Variants in ABR observed in about 807,000 individuals in gnomAD.
The protein encoded by ABR is active breakpoint cluster region-related protein.
ABR carries 35 observed loss-of-function variants against 107.2 expected under a neutral mutation model. The observed-to-expected ratio is 0.33, with a 90% CI of 0.25 to 0.43. The LOEUF is 0.43. Among genes scored for constraint, ABR ranks in the 20% least tolerant of loss-of-function variants. The probability of loss-of-function intolerance (pLI) is 1.00; values close to 1 mark genes in which losing one functional copy is unlikely to be tolerated. For synonymous variants in ABR, 498 were observed against 462.0 expected, an observed-to-expected ratio of 1.08 and a Z score of -1.00; for missense variants, 815 against 1,115.2, an observed-to-expected ratio of 0.73 and a Z score of 3.83.
chr17:1,095,543 C>T (rs1300928375), intron 3 of ABR, among the ~76,000 whole-genome samples: 1 of 152,146 alleles, frequency 6.6e-6, no homozygotes, highest in Admixed American at 6.5e-5. Context: ...ACGGCACAGC[C>T]ATTCTGCCAA....
intron 1 of ABR, among the ~76,000 whole-genome samples, chr17:1,175,632 G>A (rs1039891743): frequency 6.6e-6 from 1 of 152,158 alleles, no homozygotes; most frequent in African/African-American, 2.4e-5. Context: ...TCTTCTCCTT[G>A]AGGCAGACAA....
Position 1,058,853 on chromosome 17 carries a change from G to A in ABR, c.1197C>T (p.Gly399=). ...TCAGGCGCTCGATGGCCCGGCTCTG[G>A]CCTTTGTTGGCTTTCTGCAGGAGAT... ...SEIQKEKANK[G]QSRAIERLKK... is the part of the protein sequence containing the mutation. Residue 399 remains glycine, a synonymous_variant, in exon 11 of 23, where the codon GGC becomes GGT. Transcript: ENST00000302538. 6.2e-7 allele frequency: 1 copy of A among 1,614,116 alleles called. No homozygotes were observed. The highest frequency in any genetic ancestry group is 8.5e-7 in the Non-Finnish European group (1 of 1,180,020).
At chr17:1,113,278 ATTTTTTT>A (rs33922708) in intron 2 of ABR, among the ~76,000 whole-genome samples, 4 of 104,118 alleles carry the variant, frequency 3.8e-5, no homozygotes, top group Admixed American at 2.3e-4. Flanking sequence ...ACCTATTGCG[ATTTTTTT>A]TTTTTTTTTT....
upstream of ABR, among the ~76,000 whole-genome samples, chr17:1,180,145 G>C (rs998429586): frequency 3.9e-3 from 594 of 151,900 alleles, 2 homozygotes; most frequent in Non-Finnish European, 7.1e-3. Flanking sequence ...GCGGGGCTCC[G>C]GCGCTGGGCG....
upstream of ABR, among the ~76,000 whole-genome samples, chr17:1,181,230 G>T (rs3813442): frequency 6.6e-6 from 1 of 152,168 alleles, no homozygotes; most frequent in African/African-American, 2.4e-5. Context: ...AGTTCTTAAG[G>T]GGAGAAGCAG....
chr17:1,126,653 G>A (rs28559840), intron 1 of ABR: 18,930 of 152,404 alleles, frequency 0.12, 1,678 homozygotes, highest in African/African-American at 0.24. Context: ...TTCGGATCTC[G>A]CACAGTGTGA....
chr17:1,180,036 T>G (rs1204070528), upstream of ABR, among the ~76,000 whole-genome samples: 1 of 14,518 alleles, frequency 6.9e-5, no homozygotes, highest in Admixed American at 8.4e-4. Context: ...GGGGCTTTGG[T>G]GCGGGGGCGG....
At position 1,162,900 on chromosome 17, in the gene ABR, C is replaced by T. The variant is rs1209068888; in HGVS notation, c.61+16767G>A. On this transcript the variant is annotated intron_variant, in intron 1 of 22. Transcript: ENST00000302538. ...CAGCCTGGCCAACATGGTGAAACCC[C>T]GTCTCTAATAAAAATACAAAAATTA... 8.5e-5 allele frequency among the ~76,000 whole-genome samples: 13 copies of T among 152,162 alleles called. No individual in the cohort carries two copies. In the East Asian group the frequency reaches 1.2e-3, roughly 14 times the overall value.
At chr17:1,140,547 C>T (rs955421466) in intron 1 of ABR, among the ~76,000 whole-genome samples, 1 of 152,210 alleles carries the variant, frequency 6.6e-6, no homozygotes, top group East Asian at 1.9e-4. Context: ...TCACCTACAA[C>T]AATAAGGACA....
upstream of ABR, among the ~76,000 whole-genome samples, chr17:1,189,445 T>A (rs1381667474): frequency 6.6e-6 from 1 of 150,986 alleles, no homozygotes; most frequent in Non-Finnish European, 1.5e-5. Flanking sequence ...CGCCTCCGAG[T>A]TCAAGTGATT....
In ABR at chr17:1,011,644, G is replaced by A. The variant is rs145307902; in HGVS notation, c.2101+202C>T. The A allele has an allele frequency of 5.6e-3, 3,006 of 533,182 alleles. 29 individuals are homozygous for A. Among genetic ancestry groups the A allele is most frequent in the African/African-American group, 0.027 (1,393 of 52,034 alleles). 33.0% of individuals were successfully genotyped at this position (533,182 alleles called of 1,614,324 possible). ...TGGGCAAGTGAGTCGGCCCTTGTGA[G>A]TTTCTGCAGTTGCTTACCTGCAGCA... On this transcript the variant is annotated intron_variant, in intron 19 of 22. Coordinates refer to ENST00000302538, the MANE Select transcript of ABR (RefSeq NM_021962.5). This position sits in a 1 kb window ranked among gnomAD's most constrained non-coding sequence, Gnocchi z 4.8.
chr17:1,222,874 A>G (rs964734451), intron 1 of ABR, among the ~76,000 whole-genome samples: 1 of 152,104 alleles, frequency 6.6e-6, no homozygotes, highest in African/African-American at 2.4e-5. Context: ...ATGCCACTGC[A>G]CTCCAGCTTG....
Position 1,011,737 on chromosome 17 carries a change from G to A in ABR, c.2101+109C>T. 6 of 1,380,214 alleles carry A rather than the reference G, an allele frequency of 4.3e-6. No individual in the cohort carries two copies. The highest frequency in any genetic ancestry group is 5.8e-6 in the Non-Finnish European group (6 of 1,036,068). The allele number at this position is 1,380,214 out of a possible 1,614,324, so 85.5% of individuals were successfully genotyped here. A position where few individuals can be genotyped will look rare whatever the true frequency, so the allele number is the denominator to read the frequency against. On this transcript the variant is annotated intron_variant, in intron 19 of 22. Coordinates refer to ENST00000302538, the MANE Select transcript of ABR (RefSeq NM_021962.5). This position sits in a 1 kb window ranked among gnomAD's most constrained non-coding sequence, Gnocchi z 4.8. ...CTTGCCACGGGGACTCTGAAGCAGA[G>A]CAAGCCTCCTCTCCAGGGAGGCTCC...
Position 1,040,742 on chromosome 17 carries a change from A to G in ABR, c.1791+9308T>C, listed in dbSNP as rs575045694. ...TGCCAGGCCCCGGGTCCAGGGTTTC[A>G]TGGACCCTCACATTCAGTCCTCTTA... On this transcript the variant is annotated intron_variant, in intron 16 of 22. Transcript: ENST00000302538. Among the ~76,000 whole-genome samples the G allele has an allele frequency of 3.3e-5, 5 of 152,294 alleles. 1 individual carries two copies. The South Asian group carries it at 1.0e-3, about 32-fold the overall frequency.
intron 1 of ABR, among the ~76,000 whole-genome samples, chr17:1,165,360 G>A (rs2041464209): frequency 6.6e-6 from 1 of 152,228 alleles, no homozygotes; most frequent in East Asian, 1.9e-4. Flanking sequence ...GCCGGGAGGA[G>A]GTGCAAGAGA....
chr17:1,203,888 A>G (rs1302399745), intron 1 of ABR, among the ~76,000 whole-genome samples: 1 of 152,124 alleles, frequency 6.6e-6, no homozygotes. Context: ...ACGCGGGAGG[A>G]GAAACCAGCT....
rs530475213 is a variant in ABR, at chr17:1,214,922, A to C, written c.838+13871T>G. On this transcript the variant is annotated intron_variant, in intron 1 of 22. Coordinates refer to the ABR transcript ENST00000574139. Reference sequence around the variant, plus strand: ...CTCTCCAAATAAAATACTCAGACCAAAAAAGTATTGCTCTTGACCAGGTGG... The same window carrying C: ...CTCTCCAAATAAAATACTCAGACCACAAAAGTATTGCTCTTGACCAGGTGG... 2.0e-5 allele frequency among the ~76,000 whole-genome samples: 3 copies of C among 152,078 alleles called. No individual in the cohort carries two copies. In the South Asian group the frequency reaches 6.2e-4, roughly 32 times the overall value.
chr17:1,070,566 A>ACAGAGAC lies in ABR; in HGVS notation c.895-477_895-476insGTCTCTG, dbSNP rs1555561139. ...GCGAACTTCATCTAGCCCCGGCTCA[A>ACAGAGAC]CCGAGACCCGAGACCCGAGACCCAC... On this transcript the variant is annotated intron_variant, in intron 8 of 22. Transcript: ENST00000302538. The surrounding 1 kb of genome is among the most constrained non-coding windows in gnomAD (Gnocchi z 4.2). 6.6e-5 allele frequency among the ~76,000 whole-genome samples: 10 copies of ACAGAGAC among 152,034 alleles called. No individual in the cohort carries two copies. Among genetic ancestry groups the ACAGAGAC allele is most frequent in the Non-Finnish European group, 1.2e-4 (8 of 67,976 alleles).
intron 1 of ABR, among the ~76,000 whole-genome samples, chr17:1,138,096 G>T (rs1249714598): frequency 6.6e-6 from 1 of 150,914 alleles, no homozygotes; most frequent in Admixed American, 6.6e-5. Context: ...TAGAGATGGG[G>T]TTTCAGCATG....
Sources: gnomAD v4.1 joint callset for allele counts (sites outside exome capture counted in the v4.1 genomes callset) on GRCh38, gnomAD v4.1.1 for gene constraint, Gnocchi (gnomAD v3.1) non-coding constraint, MANE v1.5 for transcripts, NCBI Gene and HGNC (gene_info 2026-07-23, HGNC 2026-07-21) for gene names.